ZNF148: variants seen among roughly 807,000 people sequenced by gnomAD.
ZNF148 encodes the protein Beta-Enolase Repressor Factor-1.
Under a neutral mutation model 67.7 loss-of-function variants are expected in ZNF148, and 7 were observed. The ratio of observed to expected loss-of-function variants is 0.10; its 90% CI spans 0.06 to 0.19. The LOEUF (loss-of-function observed/expected upper bound fraction) is 0.19, where lower values mean the gene tolerates loss of function less well. Ranked by LOEUF, ZNF148 falls within the 10% of genes least tolerant of loss-of-function variation. ZNF148 has a pLI of 1.00. For synonymous variants in ZNF148, 333 were observed against 330.7 expected, an observed-to-expected ratio of 1.01 and a Z score of -0.08; for missense variants, 583 against 947.1, an observed-to-expected ratio of 0.62 and a Z score of 5.05.
At chr3:125,284,605 C>T (rs922128406) in intron 5 of ZNF148, among the ~76,000 whole-genome samples, 5 of 152,020 alleles carry the variant, frequency 3.3e-5, no homozygotes, top group Non-Finnish European at 7.4e-5. Flanking sequence ...AGCTTCAAGA[C>T]ATTAAAAGCT....
chr3:125,255,614 C>T (rs568701491), intron 7 of ZNF148, among the ~76,000 whole-genome samples: 6 of 151,896 alleles, frequency 4.0e-5, no homozygotes, highest in African/African-American at 1.4e-4. Flanking sequence ...ACTATGGTTT[C>T]TTTTAGTGTG....
In ZNF148 at chr3:125,225,841, A is replaced by C. The variant is rs1482137895; in HGVS notation, c.*6500T>G. The C allele has an allele frequency of 6.6e-6, 1 of 152,182 alleles. No individual in the cohort carries two copies. Among genetic ancestry groups the C allele is most frequent in the Non-Finnish European group, 1.5e-5 (1 of 68,032 alleles). 9.4% of individuals were successfully genotyped at this position (152,182 alleles called of 1,614,324 possible). A position where few individuals can be genotyped will look rare whatever the true frequency, so the allele number is the denominator to read the frequency against. On this transcript the variant is annotated 3_prime_UTR_variant, in exon 9 of 9. Transcript: ENST00000360647. ...TGGTATTATTATGTACAATTGGTTA[A>C]AGCACCATGCTAATAATAAGGCCAG...
chr3:125,243,273 A>C (rs977815330), intron 7 of ZNF148, among the ~76,000 whole-genome samples: 1 of 151,960 alleles, frequency 6.6e-6, no homozygotes, highest in Non-Finnish European at 1.5e-5. Context: ...TTCTTCTGTT[A>C]TATCTTCTAT....
At chr3:125,338,252 A>G (rs901703198) in intron 1 of ZNF148, among the ~76,000 whole-genome samples, 2 of 152,168 alleles carry the variant, frequency 1.3e-5, no homozygotes, top group African/African-American at 4.8e-5. Context: ...AAAAGTAAAC[A>G]TCTTCAAAGT....
At position 125,344,068 on chromosome 3, in the gene ZNF148, C is replaced by T. The variant is rs1941844365; in HGVS notation, c.-233-12830G>A. On this transcript the variant is annotated intron_variant, in intron 1 of 8. Coordinates refer to ENST00000360647, the MANE Select transcript of ZNF148 (RefSeq NM_021964.3). Reference sequence around the variant, plus strand: ...TAGTTTAACAGTTCTGTTAAATGCACGCATTAAATTACTTGAGTTACCCAA... The same window carrying T: ...TAGTTTAACAGTTCTGTTAAATGCATGCATTAAATTACTTGAGTTACCCAA... 6 of 182,398 alleles carry T rather than the reference C, an allele frequency of 3.3e-5. No homozygotes were observed. The South Asian group carries it at 6.2e-4, about 19-fold the overall frequency. 11.3% of individuals were successfully genotyped at this position (182,398 alleles called of 1,614,324 possible).
chr3:125,336,577 C>A (rs1043221104), intron 1 of ZNF148, among the ~76,000 whole-genome samples: 2 of 151,156 alleles, frequency 1.3e-5, no homozygotes. Flanking sequence ...ATATTTTGAA[C>A]TAAATGATAT....
intron 5 of ZNF148, among the ~76,000 whole-genome samples, chr3:125,283,987 T>C (rs576204112): frequency 3.1e-4 from 47 of 152,266 alleles, no homozygotes; most frequent in Admixed American, 6.5e-4. Flanking sequence ...CAGTACCTGA[T>C]GAGAGATCCT....
chr3:125,234,301 A>G lies in ZNF148; in HGVS notation c.696T>C (p.Cys232=). 1 of 1,609,616 alleles carries G rather than the reference A, an allele frequency of 6.2e-7. No individual in the cohort carries two copies. Among genetic ancestry groups the G allele is most frequent in the Non-Finnish European group, 8.5e-7 (1 of 1,177,512 alleles). The part of the protein sequence containing the change: ...TGEKPFRCDE[C]GMRFIQKYHM... ...GATATTTTTGTATGAATCTCATACCACATTCATCACAGCGAAATGGTTTTT... is the reference window on the plus strand; with the variant it reads ...GATATTTTTGTATGAATCTCATACCGCATTCATCACAGCGAAATGGTTTTT... The change falls in exon 8 of 9, where the codon TGT becomes TGC. Residue 232 remains cysteine, a synonymous_variant. Coordinates refer to ENST00000360647, the MANE Select transcript of ZNF148 (RefSeq NM_021964.3).
Position 125,323,330 on chromosome 3 carries a change from A to C in ZNF148, c.-38T>G. 1 of 653,832 alleles carries C rather than the reference A, an allele frequency of 1.5e-6. No homozygotes were observed. Among genetic ancestry groups the C allele is most frequent in the Non-Finnish European group, 2.7e-6 (1 of 368,850 alleles). The allele number at this position is 653,832 out of a possible 1,614,324, so 40.5% of individuals were successfully genotyped here. On this transcript the variant is annotated 5_prime_UTR_variant, in exon 3 of 9. Transcript: ENST00000360647. ...TTACCCGAGACTAAGGTAAAAACGA[A>C]GACTTCAAGGAAAGGAATGCTGTAG...
chr3:125,256,657 C>G (rs941686471), intron 7 of ZNF148, among the ~76,000 whole-genome samples: 1 of 152,168 alleles, frequency 6.6e-6, no homozygotes, highest in South Asian at 2.1e-4. Flanking sequence ...GCCTGGGCAA[C>G]AGAGTGAGAC....
intron 7 of ZNF148, among the ~76,000 whole-genome samples, chr3:125,235,742 C>T (rs919182241): frequency 8.6e-5 from 13 of 151,912 alleles, no homozygotes; most frequent in Admixed American, 7.9e-4. Context: ...AAATGTGGCA[C>T]ATATACACCA....
In ZNF148 at chr3:125,317,662, T is replaced by TATATATATATAGAGAGAG. The variant is rs752542874; in HGVS notation, c.-16-4007_-16-4006insCTCTCTCTATATATATAT. ...GATCTTTTATATATATATATATATATAGAGAGAGAGAGAGAGAAATACATA... is the reference window on the plus strand; with the variant it reads ...GATCTTTTATATATATATATATATATATATATATATAGAGAGAGAGAGAGAGAGAGAGAGAAATACATA... On this transcript the variant is annotated intron_variant, in intron 3 of 8. Coordinates refer to ENST00000360647, the MANE Select transcript of ZNF148 (RefSeq NM_021964.3). 6.7e-5 allele frequency among the ~76,000 whole-genome samples: 6 copies of TATATATATATAGAGAGAG among 90,024 alleles called. 1 individual carries two copies. Among genetic ancestry groups the TATATATATATAGAGAGAG allele is most frequent in the South Asian group, 7.7e-4 (2 of 2,606 alleles). 59.1% of individuals were successfully genotyped at this position (90,024 alleles called of 152,430 possible). A position where few individuals can be genotyped will look rare whatever the true frequency, so the allele number is the denominator to read the frequency against.
intron 4 of ZNF148, among the ~76,000 whole-genome samples, chr3:125,307,054 C>CAAA (rs55863917): frequency 0.018 from 2,646 of 144,352 alleles, 82 homozygotes; most frequent in African/African-American, 0.064. Flanking sequence ...ATAGCTATTC[C>CAAA]AAAAAAAAAA....
At chr3:125,250,601 C>T (rs1936798065) in intron 7 of ZNF148, among the ~76,000 whole-genome samples, 1 of 152,228 alleles carries the variant, frequency 6.6e-6, no homozygotes, top group Admixed American at 6.5e-5. Flanking sequence ...GCACCCCAGT[C>T]ATTAATTTAT....
intron 1 of ZNF148, among the ~76,000 whole-genome samples, chr3:125,342,798 C>T (rs1941785888): frequency 6.6e-6 from 1 of 152,054 alleles, no homozygotes; most frequent in African/African-American, 2.4e-5. Context: ...AGTTATAACA[C>T]CATCTGATAC....
chr3:125,343,671 G>A (rs928414347), intron 1 of ZNF148, among the ~76,000 whole-genome samples: 2 of 152,100 alleles, frequency 1.3e-5, no homozygotes, highest in Non-Finnish European at 1.5e-5. Flanking sequence ...ACAAATAAGG[G>A]AATAAAAGCT....
intron 5 of ZNF148, among the ~76,000 whole-genome samples, chr3:125,283,022 A>C (rs562776292): frequency 3.3e-4 from 50 of 152,244 alleles, no homozygotes; most frequent in African/African-American, 1.1e-3. Context: ...CAAAACTCAA[A>C]AGACTAATTA....
intron 7 of ZNF148, among the ~76,000 whole-genome samples, chr3:125,262,240 G>C (rs1193966863): frequency 6.6e-6 from 1 of 152,156 alleles, no homozygotes; most frequent in Non-Finnish European, 1.5e-5. Context: ...AATTTTATTA[G>C]ATCCCTGATA....
intron 2 of ZNF148, among the ~76,000 whole-genome samples, chr3:125,327,174 T>C (rs1452606943): frequency 6.6e-6 from 1 of 152,000 alleles, no homozygotes; most frequent in Non-Finnish European, 1.5e-5. Context: ...TTCGTAATAA[T>C]AAACAGTCAA....
Sources: allele counts gnomAD v4.1 joint callset (sites outside exome capture counted in the v4.1 genomes callset), GRCh38; gene constraint gnomAD v4.1.1; transcripts MANE v1.5; gene names NCBI Gene and HGNC (gene_info 2026-07-23, HGNC 2026-07-21).